Variants in HELZ observed in about 807,000 individuals in gnomAD.
HELZ encodes the protein ATP-dependent RNA helicase with zinc finger domain.
A neutral mutation model predicts 218.2 loss-of-function variants in HELZ; 23 were observed. The ratio of observed to expected loss-of-function variants is 0.11; its 90% CI spans 0.08 to 0.15. The LOEUF (loss-of-function observed/expected upper bound fraction) is 0.15. Among genes scored for constraint, HELZ ranks in the 10% least tolerant of loss-of-function variants. The pLI, the probability that HELZ is intolerant of heterozygous loss-of-function variation, is 1.00. For missense variants in HELZ, 1,813 were observed against 2,353.7 expected (o/e 0.77, Z 4.75); for synonymous variants, 814 against 829.4 (o/e 0.98, Z 0.32).
At chr17:67,111,173 C>T (rs2037270775) in intron 28 of HELZ, among the ~76,000 whole-genome samples, 1 of 152,140 alleles carries the variant, frequency 6.6e-6, no homozygotes, top group South Asian at 2.1e-4. Flanking sequence ...CTACAAGAGC[C>T]CAATCACATG....
At chr17:67,150,063 C>T in intron 18 of HELZ, 78 bp from the exon 19 acceptor site, 1 of 755,062 alleles carries the variant, frequency 1.3e-6, no homozygotes. Context: ...ATTTTCTTTT[C>T]TGCTAAGTAA....
intron 32 of HELZ, among the ~76,000 whole-genome samples, chr17:67,079,862 GAC>G (rs1335410070): frequency 3.3e-5 from 5 of 152,064 alleles, no homozygotes; most frequent in Non-Finnish European, 7.4e-5. Flanking sequence ...TATTCTATTG[GAC>G]ATACTATTCT....
chr17:67,181,621 A>G (rs1233678114), intron 12 of HELZ, among the ~76,000 whole-genome samples: 2 of 152,326 alleles, frequency 1.3e-5, no homozygotes, highest in East Asian at 3.9e-4. Flanking sequence ...CAATTCTCCA[A>G]CAATGCTAAA....
intron 9 of HELZ, among the ~76,000 whole-genome samples, chr17:67,191,386 C>T (rs191753120): frequency 2.6e-5 from 4 of 152,174 alleles, no homozygotes; most frequent in Admixed American, 1.3e-4. Context: ...AATGATTTCT[C>T]GACGTTTACA....
chr17:67,193,344 C>CACAAA (rs2039944515), intron 9 of HELZ, among the ~76,000 whole-genome samples: 1 of 91,906 alleles, frequency 1.1e-5, no homozygotes, highest in Non-Finnish European at 2.2e-5. Flanking sequence ...GACTCTGTCT[C>CACAAA]AAAAAAAAAA....
At chr17:67,081,416 C>T (rs72848829) in intron 32 of HELZ, among the ~76,000 whole-genome samples, 2 of 152,144 alleles carry the variant, frequency 1.3e-5, no homozygotes, top group Non-Finnish European at 2.9e-5. Context: ...TATTAGACAA[C>T]AGAGGGCAAT....
intron 3 of HELZ, among the ~76,000 whole-genome samples, chr17:67,229,281 C>T (rs1320909118): frequency 3.3e-5 from 5 of 152,184 alleles, no homozygotes; most frequent in African/African-American, 4.8e-5. Context: ...GCCCCAAGTA[C>T]ACAGTCAGGC....
chr17:67,235,334 G>A (rs528166475), intron 3 of HELZ, among the ~76,000 whole-genome samples: 6 of 152,064 alleles, frequency 3.9e-5, no homozygotes, highest in African/African-American at 9.7e-5. Context: ...GTGAAACCCC[G>A]TCTCTACTAA....
At chr17:67,168,167 C>CA (rs1200590636) in intron 13 of HELZ, among the ~76,000 whole-genome samples, 1 of 151,980 alleles carries the variant, frequency 6.6e-6, no homozygotes, top group Non-Finnish European at 1.5e-5. Context: ...TTAGTAGAGA[C>CA]AGAGTTTTGA....
In HELZ at chr17:67,120,614, T is replaced by C. The variant is rs1182878591; in HGVS notation, c.3631-2A>G. 6.2e-7 allele frequency: 1 copy of C among 1,605,904 alleles called. No individual in the cohort carries two copies. The highest frequency in any genetic ancestry group is 8.5e-7 in the Non-Finnish European group (1 of 1,174,172). ...ACCCTGGTATCCTGTCCATGGTACCTAGGTTATTAAAAAATAAAATACATG... is the reference window on the plus strand; with the variant it reads ...ACCCTGGTATCCTGTCCATGGTACCCAGGTTATTAAAAAATAAAATACATG... On this transcript the variant is annotated splice_acceptor_variant, in intron 26 of 32. Coordinates refer to ENST00000358691, the MANE Select transcript of HELZ (RefSeq NM_014877.4). LOFTEE classifies it high-confidence loss of function.
At chr17:67,211,722 G>A (rs865987952) in intron 5 of HELZ, among the ~76,000 whole-genome samples, 30 of 151,646 alleles carry the variant, frequency 2.0e-4, no homozygotes, top group South Asian at 1.0e-3. Flanking sequence ...TTAGCTGGGC[G>A]TGGTAGCAGG....
upstream of HELZ, chr17:67,245,634 G>T (rs1302125619): frequency 1.6e-6 from 1 of 641,024 alleles, no homozygotes; most frequent in Non-Finnish European, 1.9e-6. Context: ...CGAGCGGCCG[G>T]GGTCGCCTTC....
At position 67,166,583 on chromosome 17, in the gene HELZ, C is replaced by T; in HGVS notation, c.1790G>A (p.Arg597Gln). Residue 597 changes from arginine (R) to glutamine (Q), a missense_variant, in exon 15 of 33, where the codon CGA (arginine) becomes CAA (glutamine). By Grantham distance (43) the Arg-to-Gln change is conservative. Around this residue, in one of 4 missense-constraint regions of HELZ, gnomAD observed 714 missense variants for 1,029.2 expected, o/e 0.69. Coordinates refer to ENST00000358691, the MANE Select transcript of HELZ (RefSeq NM_014877.4). ...ATAGTGCATTTCACAGAGGGGTAATCGATTTAATTGAAACTGAAGTTCAAC... is the reference window on the plus strand; with the variant it reads ...ATAGTGCATTTCACAGAGGGGTAATTGATTTAATTGAAACTGAAGTTCAAC... ...TQVELQFQLN[R>Q]LPLCEMHYAL... The T allele has an allele frequency of 6.2e-7, 1 of 1,613,210 alleles. No homozygotes were observed. The highest frequency in any genetic ancestry group is 8.5e-7 in the Non-Finnish European group (1 of 1,179,458).
Position 67,130,968 on chromosome 17 carries a change from T to C in HELZ, c.3183-2113A>G, listed in dbSNP as rs111624746. Among the ~76,000 whole-genome samples the C allele has an allele frequency of 6.7e-3, 1,014 of 152,250 alleles. 10 individuals carry two copies. Among genetic ancestry groups the C allele is most frequent in the African/African-American group, 0.023 (968 of 41,508 alleles). ...GCAGTGGCATGATCACAGCTCATTGTAACCTTGAACTCCTGGGCTCAAGCC... is the reference window on the plus strand; with the variant it reads ...GCAGTGGCATGATCACAGCTCATTGCAACCTTGAACTCCTGGGCTCAAGCC... On this transcript the variant is annotated intron_variant, in intron 23 of 32. Transcript: ENST00000358691.
intron 27 of HELZ, among the ~76,000 whole-genome samples, chr17:67,114,826 A>C (rs1038664772): frequency 1.3e-5 from 2 of 152,246 alleles, no homozygotes; most frequent in South Asian, 4.1e-4. Context: ...TTAGTAAAGG[A>C]ATCTAAACAT....
At chr17:67,167,873 A>C in intron 13 of HELZ, 77 bp from the exon 14 acceptor site, 1 of 976,890 alleles carries the variant, frequency 1.0e-6, no homozygotes, top group Non-Finnish European at 1.5e-6. Flanking sequence ...AAACAAAGTA[A>C]ATCAAATATA....
At chr17:67,152,552 G>A (rs1030052937) in intron 17 of HELZ, among the ~76,000 whole-genome samples, 1 of 152,112 alleles carries the variant, frequency 6.6e-6, no homozygotes, top group East Asian at 1.9e-4. Context: ...TGGTGATGGC[G>A]TTTGCAAAGG....
intron 17 of HELZ, among the ~76,000 whole-genome samples, chr17:67,154,956 G>A (rs1281499243): frequency 6.6e-6 from 1 of 152,128 alleles, no homozygotes; most frequent in East Asian, 1.9e-4. Context: ...TTACTGGTAA[G>A]CAAATACTAA....
At chr17:67,147,043 GTCCC>G (rs1247949302) in intron 20 of HELZ, among the ~76,000 whole-genome samples, 1 of 152,098 alleles carries the variant, frequency 6.6e-6, no homozygotes, top group Non-Finnish European at 1.5e-5. Flanking sequence ...TCATGGTTTT[GTCCC>G]TCCCTTTCTT....
Sources: allele counts gnomAD v4.1 joint callset (sites outside exome capture counted in the v4.1 genomes callset), GRCh38; gene constraint gnomAD v4.1.1; regional missense constraint gnomAD v4.1.1; transcripts MANE v1.5; gene names NCBI Gene and HGNC (gene_info 2026-07-23, HGNC 2026-07-21).